TMEM131L: variants seen among roughly 807,000 people sequenced by gnomAD.
The protein encoded by TMEM131L is transmembrane protein 131-like.
TMEM131L carries 54 observed loss-of-function variants against 192.2 expected under a neutral mutation model. That is an observed-to-expected ratio of 0.28 (90% confidence interval 0.23 to 0.35). TMEM131L has a LOEUF of 0.35. Ranked by LOEUF, TMEM131L falls within the 10% of genes least tolerant of loss-of-function variation. The probability of loss-of-function intolerance (pLI) is 1.00; values close to 1 mark genes in which losing one functional copy is unlikely to be tolerated. For synonymous variants in TMEM131L, 701 were observed against 704.9 expected (o/e 0.99, Z 0.09); for missense variants, 1,888 against 1,972.9 (o/e 0.96, Z 0.82).
At chr4:153,549,804 T>C (rs1737469974) in intron 3 of TMEM131L, among the ~76,000 whole-genome samples, 1 of 152,230 alleles carries the variant, frequency 6.6e-6, no homozygotes, top group African/African-American at 2.4e-5. Flanking sequence ...ATGAAGGCTA[T>C]TACAAATTAA....
chr4:153,589,751 G>C (rs10222829), intron 16 of TMEM131L, among the ~76,000 whole-genome samples: 3,838 of 152,286 alleles, frequency 0.025, 129 homozygotes, highest in Admixed American at 0.097. Context: ...TCAAACCTCA[G>C]AAGTTGAGGG....
intron 3 of TMEM131L, among the ~76,000 whole-genome samples, chr4:153,543,887 G>A (rs569753765): frequency 3.4e-4 from 51 of 152,104 alleles, no homozygotes; most frequent in African/African-American, 1.2e-3. Flanking sequence ...GAACAGCCCA[G>A]TAAGTGTCTC....
intron 20 of TMEM131L, among the ~76,000 whole-genome samples, chr4:153,598,123 T>A (rs1731574429): frequency 6.6e-6 from 1 of 152,170 alleles, no homozygotes. Flanking sequence ...TCTAGTATCA[T>A]CCCTAAGGCA....
intron 3 of TMEM131L, among the ~76,000 whole-genome samples, chr4:153,497,156 C>T (rs1485950985): frequency 6.6e-6 from 1 of 152,208 alleles, no homozygotes; most frequent in Non-Finnish European, 1.5e-5. Flanking sequence ...GCCAGCACAC[C>T]TGGCCAAGAT....
At chr4:153,473,755 G>A in intron 2 of TMEM131L, 90 bp from the exon 3 acceptor site, 1 of 1,044,200 alleles carries the variant, frequency 9.6e-7, no homozygotes, top group East Asian at 2.9e-5. Flanking sequence ...CCCTGCCATT[G>A]TACTCCAGCC....
At chr4:153,582,428 TTG>T (rs1730412959) in intron 9 of TMEM131L, among the ~76,000 whole-genome samples, 1 of 117,612 alleles carries the variant, frequency 8.5e-6, no homozygotes, top group Admixed American at 8.4e-5. Flanking sequence ...CCGTTTTTTT[TTG>T]TTGTTTTTTT....
At chr4:153,471,630 T>C (rs1731168591) in intron 2 of TMEM131L, among the ~76,000 whole-genome samples, 1 of 152,200 alleles carries the variant, frequency 6.6e-6, no homozygotes, top group Admixed American at 6.5e-5. Context: ...CCAGACTTCT[T>C]TGAGAAGAGA....
chr4:153,624,665 G>C (rs1408096293), intron 29 of TMEM131L, among the ~76,000 whole-genome samples: 1 of 152,180 alleles, frequency 6.6e-6, no homozygotes, highest in Admixed American at 6.5e-5. Flanking sequence ...CCTCAGAGAG[G>C]ATGCCCGAAT....
chr4:153,601,632 C>CT (rs1217438881), intron 21 of TMEM131L, among the ~76,000 whole-genome samples: 1 of 152,128 alleles, frequency 6.6e-6, no homozygotes, highest in Non-Finnish European at 1.5e-5. Flanking sequence ...CATAATCTTT[C>CT]TTTTTTCAAA....
intron 7 of TMEM131L, among the ~76,000 whole-genome samples, chr4:153,566,464 C>G (rs936885302): frequency 4.0e-5 from 6 of 151,520 alleles, no homozygotes; most frequent in African/African-American, 1.5e-4. Context: ...AGAGGAAAAC[C>G]CTGACACAGA....
chr4:153,534,676 G>A (rs892751175), intron 3 of TMEM131L, among the ~76,000 whole-genome samples: 9 of 152,236 alleles, frequency 5.9e-5, no homozygotes, highest in Admixed American at 6.5e-5. Context: ...CTCGTGATAC[G>A]CCCGCCTCGG....
At position 153,602,695 on chromosome 4, in the gene TMEM131L, G is replaced by C. The variant is rs771791546; in HGVS notation, c.2607G>C (p.Glu869Asp). The C allele has an allele frequency of 1.5e-5, 25 of 1,613,912 alleles. No individual in the cohort carries two copies. The highest frequency in any genetic ancestry group is 2.0e-5 in the Non-Finnish European group (24 of 1,179,864). ...TGGTTCCAGGACCCAGCTGGGAGGA[G>C]TCATTTTGGAGGCTCACGGTCTTCT... is the stretch of plus-strand genomic sequence containing the variant. ...ADVVPGPSWE[E>D]SFWRLTVFFV... The change falls in exon 23 of 35, where the codon GAG (glutamate) becomes GAC (aspartate). Residue 869 changes from glutamate (E) to aspartate (D), a missense_variant. Transcript: ENST00000409959.
chr4:153,548,813 G>T (rs1385949064), intron 3 of TMEM131L, among the ~76,000 whole-genome samples: 1 of 152,088 alleles, frequency 6.6e-6, no homozygotes, highest in Non-Finnish European at 1.5e-5. Context: ...CAAGAAAAAT[G>T]GGGCCTTGGA....
intron 7 of TMEM131L, among the ~76,000 whole-genome samples, chr4:153,569,493 G>A (rs914774678): frequency 2.0e-5 from 3 of 152,134 alleles, no homozygotes; most frequent in African/African-American, 7.2e-5. Context: ...TGCAATATCC[G>A]GTACAGTTTA....
chr4:153,603,808 T>C lies in TMEM131L; in HGVS notation c.2796T>C (p.Asn932=), dbSNP rs755607472. ...TTTTTCTTCTTAAATTCAGAAGCAATTGCAAGAACTTTCTCGATACATATG... is the reference window on the plus strand; with the variant it reads ...TTTTTCTTCTTAAATTCAGAAGCAACTGCAAGAACTTTCTCGATACATATG... ...DVISPHSYKS[N]CKNFLDTYGP... The change falls in exon 25 of 35, where the codon AAT becomes AAC. Residue 932 remains asparagine, a synonymous_variant. Coordinates refer to ENST00000409959, the MANE Select transcript of TMEM131L (RefSeq NM_001131007.2). 2 of 1,574,922 alleles carry C rather than the reference T, an allele frequency of 1.3e-6. No homozygotes were observed. The highest frequency in any genetic ancestry group is 4.1e-5 in the Admixed American group (2 of 49,282).
intron 3 of TMEM131L, among the ~76,000 whole-genome samples, chr4:153,474,641 C>T (rs1731397656): frequency 2.6e-5 from 4 of 152,158 alleles, no homozygotes; most frequent in South Asian, 2.1e-4. Flanking sequence ...CTGCAACCTC[C>T]GCCTCCTGGG....
At chr4:153,621,914 T>G in intron 28 of TMEM131L, 65 bp downstream of exon 28, 1 of 1,480,770 alleles carries the variant, frequency 6.8e-7, no homozygotes, top group South Asian at 1.2e-5. Flanking sequence ...CAATGAAGTA[T>G]CTAATAAGAG....
chr4:153,628,265 G>T (rs1733984275), intron 31 of TMEM131L, among the ~76,000 whole-genome samples: 1 of 152,208 alleles, frequency 6.6e-6, no homozygotes, highest in Non-Finnish European at 1.5e-5. Context: ...AGTAGGAATG[G>T]GTGGGAAGGA....
At chr4:153,491,765 A>T (rs1732799598) in intron 3 of TMEM131L, among the ~76,000 whole-genome samples, 1 of 151,966 alleles carries the variant, frequency 6.6e-6, no homozygotes, top group African/African-American at 2.4e-5. Flanking sequence ...GGAGTTCGGT[A>T]GCCCAGTCTT....
Sources: allele counts gnomAD v4.1 joint callset (sites outside exome capture counted in the v4.1 genomes callset), GRCh38; gene constraint gnomAD v4.1.1; transcripts MANE v1.5; gene names NCBI Gene and HGNC (gene_info 2026-07-23, HGNC 2026-07-21).